ACAT1: variants seen among roughly 807,000 people sequenced by gnomAD.
ACAT1 encodes the protein acetyl-CoA acetyltransferase 1.
A neutral mutation model predicts 47.3 loss-of-function variants in ACAT1; 28 were observed. The observed-to-expected ratio is 0.59, with a 90% CI of 0.44 to 0.81. The LOEUF (loss-of-function observed/expected upper bound fraction) is 0.81. ACAT1 is among the 30% of genes least tolerant of loss of function. The pLI is 0.00. For synonymous variants in ACAT1, 181 were observed against 173.6 expected (o/e 1.04, Z -0.34); for missense variants, 469 against 524.3 (o/e 0.89, Z 1.03).
In ACAT1 at chr11:108,144,027, C is replaced by T. The variant is rs375119115; in HGVS notation, c.985C>T (p.Pro329Ser). The T allele has an allele frequency of 7.3e-7, 1 of 1,372,168 alleles. No individual in the cohort carries two copies. The highest frequency in any genetic ancestry group is 9.7e-7 in the Non-Finnish European group (1 of 1,028,092). The allele number at this position is 1,372,168 out of a possible 1,614,324, so 85.0% of individuals were successfully genotyped here. A position where few individuals can be genotyped will look rare whatever the true frequency, so the allele number is the denominator to read the frequency against. ...AGAACCTATTGATTTTCCAATTGCTCCTGTATATGCTGCATCTATGGTGAG... is the reference window on the plus strand; with the variant it reads ...AGAACCTATTGATTTTCCAATTGCTTCTGTATATGCTGCATCTATGGTGAG... ...AVEPIDFPIA[P>S]VYAASMVLKD... The change falls in exon 10 of 12, where the codon CCT becomes TCT. Residue 329 changes from proline (P) to serine (S), a missense_variant. Physicochemically the swap from Pro to Ser is moderately conservative, Grantham distance 74 (BLOSUM62 -1). Transcript: ENST00000265838.
At chr11:108,122,666 G>C (rs2077173887) in intron 1 of ACAT1, among the ~76,000 whole-genome samples, 1 of 152,196 alleles carries the variant, frequency 6.6e-6, no homozygotes, top group Non-Finnish European at 1.5e-5. Flanking sequence ...TAGGGAGTGA[G>C]GGTGCGAAGC....
At chr11:108,145,946 C>G in intron 10 of ACAT1, among the ~76,000 whole-genome samples, 1 of 151,896 alleles carries the variant, frequency 6.6e-6, no homozygotes. Context: ...ACTCAGGAGG[C>G]TGAGACAGGA....
In ACAT1 at chr11:108,147,315, G is replaced by A. The variant is rs200729208; in HGVS notation, c.1209G>A (p.Lys403=). 25 of 1,613,846 alleles carry A rather than the reference G, an allele frequency of 1.5e-5. No homozygotes were observed. The South Asian group carries it at 2.3e-4, about 15-fold the overall frequency. Residue 403 remains lysine, a synonymous_variant, in exon 12 of 12, where the codon AAG becomes AAA. Coordinates refer to ENST00000265838, the MANE Select transcript of ACAT1 (RefSeq NM_000019.4). ...TTGGTCATTTGACTCATGCCTTGAA[G>A]CAAGGAGAATACGGTCTTGCCAGTA... ...RIVGHLTHAL[K]QGEYGLASIC... is the part of the protein sequence containing the mutation.
At chr11:108,117,928 C>G (rs1271792213), upstream of ACAT1, among the ~76,000 whole-genome samples, 1 of 152,114 alleles carries the variant, frequency 6.6e-6, no homozygotes, top group African/African-American at 2.4e-5. Context: ...TAATACTTTG[C>G]AAGACCTAAG....
chr11:108,142,776 G>C (rs1013325520), intron 9 of ACAT1: 7 of 512,416 alleles, frequency 1.4e-5, no homozygotes, highest in African/African-American at 1.3e-4. Flanking sequence ...GTTTGAGGTT[G>C]CAGTGAACTG....
At chr11:108,145,898 T>C (rs2077697734) in intron 10 of ACAT1, among the ~76,000 whole-genome samples, 1 of 151,948 alleles carries the variant, frequency 6.6e-6, no homozygotes, top group Non-Finnish European at 1.5e-5. Flanking sequence ...ATACAAAAAA[T>C]TAGCTGGGCA....
chr11:108,146,226 AAAG>A lies in ACAT1; in HGVS notation c.1035_1037del (p.Glu345del), dbSNP rs387906282. The A allele has an allele frequency of 2.5e-6, 4 of 1,613,076 alleles. No individual in the cohort carries two copies. The highest frequency in any genetic ancestry group is 3.4e-6 in the Non-Finnish European group (4 of 1,179,356). On this transcript the variant is annotated inframe_deletion, in exon 11 of 12. Transcript: ENST00000265838. ...GGTTCTTAAAGATGTGGGATTGAAA[AAAG>A]AAGATATTGCAATGTGGGAAGTAAA...
intron 5 of ACAT1, among the ~76,000 whole-genome samples, chr11:108,137,937 CTGT>C (rs2077497433): frequency 6.6e-6 from 1 of 150,376 alleles, no homozygotes; most frequent in South Asian, 2.1e-4. Context: ...ACAGCGAGAC[CTGT>C]CTAAAAGAAA....
chr11:108,126,137 G>A (rs972151375), intron 1 of ACAT1, among the ~76,000 whole-genome samples: 1 of 152,146 alleles, frequency 6.6e-6, no homozygotes, highest in South Asian at 2.1e-4. Flanking sequence ...CAAGTAGCTG[G>A]GACTACAGGT....
intron 10 of ACAT1, 193 bp downstream of exon 10, chr11:108,144,240 A>G: frequency 1.6e-6 from 1 of 628,606 alleles, no homozygotes; most frequent in Non-Finnish European, 2.8e-6. Flanking sequence ...AATAAAGAAC[A>G]GCTCACAAAC....
chr11:108,132,009 A>T (rs1437354714), intron 2 of ACAT1, 55 bp downstream of exon 2: 1 of 1,081,906 alleles, frequency 9.2e-7, no homozygotes, highest in South Asian at 1.3e-5. Context: ...AAATGTCAAT[A>T]AAAATGCATA....
chr11:108,134,413 G>A lies in ACAT1; in HGVS notation c.334+97G>A. The A allele has an allele frequency of 4.5e-6, 4 of 898,120 alleles. No homozygotes were observed. The Admixed American group carries it at 7.5e-5, about 17-fold the overall frequency. 55.6% of individuals were successfully genotyped at this position (898,120 alleles called of 1,614,324 possible). A position where few individuals can be genotyped will look rare whatever the true frequency, so the allele number is the denominator to read the frequency against. ...TAATCCCAGCACTTTGGGAGGCCGA[G>A]GCAGGCGGATCACGAGGTCAAGAGA... On this transcript the variant is annotated intron_variant, in intron 4 of 11. Coordinates refer to ENST00000265838, the MANE Select transcript of ACAT1 (RefSeq NM_000019.4).
At chr11:108,144,184 TC>T in intron 10 of ACAT1, 137 bp downstream of exon 10, 1 of 932,916 alleles carries the variant, frequency 1.1e-6, no homozygotes, top group South Asian at 1.4e-5. Flanking sequence ...CCATGTCTTC[TC>T]CTGAAAAGAG....
chr11:108,145,772 C>T (rs537685979), intron 10 of ACAT1, among the ~76,000 whole-genome samples: 14 of 152,216 alleles, frequency 9.2e-5, no homozygotes, highest in African/African-American at 7.2e-5. Context: ...GGGCCGGGTG[C>T]GGTGGCTCAC....
At chr11:108,139,105 C>T (rs759906960) in intron 6 of ACAT1, 64 bp downstream of exon 6, 1 of 1,588,812 alleles carries the variant, frequency 6.3e-7, no homozygotes, top group Non-Finnish European at 8.6e-7. Context: ...TTTTCTTACT[C>T]TATGTACTTT....
chr11:108,121,796 A>C, intron 1 of ACAT1, 118 bp downstream of exon 1: 1 of 1,172,396 alleles, frequency 8.5e-7, no homozygotes, highest in Non-Finnish European at 1.2e-6. Flanking sequence ...CTTAGGCCCC[A>C]GGACAGTCAC....
chr11:108,133,287 C>T (rs1318360237), intron 2 of ACAT1, among the ~76,000 whole-genome samples: 2 of 152,124 alleles, frequency 1.3e-5, no homozygotes, highest in Non-Finnish European at 2.9e-5. Flanking sequence ...GAGTTCCTTT[C>T]AGTAAGGGAC....
At chr11:108,126,388 G>A (rs972483167) in intron 1 of ACAT1, among the ~76,000 whole-genome samples, 2 of 152,340 alleles carry the variant, frequency 1.3e-5, no homozygotes, top group Admixed American at 6.5e-5. Context: ...CCAGTGGCTG[G>A]CACAGAGCAA....
At chr11:108,144,710 A>T (rs2077668542) in intron 10 of ACAT1, among the ~76,000 whole-genome samples, 1 of 152,166 alleles carries the variant, frequency 6.6e-6, no homozygotes, top group South Asian at 2.1e-4. Flanking sequence ...CGCAATGAAA[A>T]AAAAAACTGC....
Sources: allele counts gnomAD v4.1 joint callset (sites outside exome capture counted in the v4.1 genomes callset), GRCh38; gene constraint gnomAD v4.1.1; transcripts MANE v1.5; gene names NCBI Gene and HGNC (gene_info 2026-07-23, HGNC 2026-07-21).